OMA1: variants seen among roughly 807,000 people sequenced by gnomAD.
OMA1 encodes OMA1 zinc metallopeptidase.
Under a neutral mutation model 30.9 loss-of-function variants are expected in OMA1, and 38 were observed. The ratio of observed to expected loss-of-function variants is 1.23; its 90% CI spans 0.95 to 1.61. OMA1 has a LOEUF of 1.61. Ranked by LOEUF, OMA1 falls within the 40% of genes most tolerant of loss-of-function variation. OMA1 has a pLI of 0.00. For synonymous variants in OMA1, 173 were observed against 121.9 expected, an observed-to-expected ratio of 1.42 and a Z score of -2.76; for missense variants, 461 against 349.2, an observed-to-expected ratio of 1.32 and a Z score of -2.55.
chr1:58,543,801 A>C (rs891051054), intron 1 of OMA1, among the ~76,000 whole-genome samples: 2 of 152,248 alleles, frequency 1.3e-5, no homozygotes, highest in Admixed American at 1.3e-4. Flanking sequence ...AGAGGTGGCA[A>C]ACTCAAACGT....
At chr1:58,527,399 A>G in intron 6 of OMA1, 64 bp from the exon 7 acceptor site, 1 of 810,136 alleles carries the variant, frequency 1.2e-6, no homozygotes. Context: ...GGAGTAACAC[A>G]GAGAGATTTT....
chr1:58,527,463 C>G, intron 6 of OMA1, 128 bp from the exon 7 acceptor site: 2 of 596,704 alleles, frequency 3.4e-6, no homozygotes, highest in Non-Finnish European at 6.0e-6. Flanking sequence ...TGTCTACTAA[C>G]ATTAAAATAA....
intron 7 of OMA1, among the ~76,000 whole-genome samples, chr1:58,514,318 A>G (rs1456332133): frequency 6.6e-6 from 1 of 152,238 alleles, no homozygotes; most frequent in Non-Finnish European, 1.5e-5. Context: ...AATTGTTCTT[A>G]TAATTTCACC....
intron 2 of OMA1, 36 bp from the exon 3 acceptor site, chr1:58,536,777 C>G: frequency 1.2e-6 from 1 of 848,532 alleles, no homozygotes; most frequent in African/African-American, 1.7e-5. Flanking sequence ...TTCTGAAAAT[C>G]ATTCCAGCAC....
chr1:58,505,972 C>A, intron 8 of OMA1, 88 bp downstream of exon 8: 1 of 708,090 alleles, frequency 1.4e-6, no homozygotes, highest in Non-Finnish European at 2.5e-6. Context: ...TAGGCTAGAA[C>A]TCTCTTTTAC....
chr1:58,523,731 C>T (rs955609820), intron 7 of OMA1, among the ~76,000 whole-genome samples: 3 of 152,124 alleles, frequency 2.0e-5, no homozygotes, highest in African/African-American at 7.2e-5. Flanking sequence ...AACCCCATCT[C>T]TACTAAAAAC....
intron 7 of OMA1, among the ~76,000 whole-genome samples, chr1:58,510,419 A>C (rs1646055312): frequency 6.6e-6 from 1 of 152,252 alleles, no homozygotes; most frequent in Middle Eastern, 3.4e-3. Context: ...TGACAAAATT[A>C]AACATCCTTT....
chr1:58,498,649 T>C (rs1645845325), intron 8 of OMA1, among the ~76,000 whole-genome samples: 1 of 152,220 alleles, frequency 6.6e-6, no homozygotes, highest in South Asian at 2.1e-4. Context: ...CTAAGACATT[T>C]CAGCATTCCT....
chr1:58,517,718 T>C (rs1646179287), intron 7 of OMA1, among the ~76,000 whole-genome samples: 1 of 152,150 alleles, frequency 6.6e-6, no homozygotes, highest in South Asian at 2.1e-4. Context: ...AATTAATAAA[T>C]GAAAATCATC....
intron 1 of OMA1, 108 bp from the exon 2 acceptor site, chr1:58,539,418 A>C: frequency 4.8e-6 from 3 of 627,722 alleles, no homozygotes; most frequent in Non-Finnish European, 5.5e-6. Context: ...AACACATCTC[A>C]GGCTAAATTA....
At chr1:58,530,765 T>C (rs1362153578) in intron 5 of OMA1, 36 bp from the exon 6 acceptor site, 3 of 861,126 alleles carry the variant, frequency 3.5e-6, no homozygotes, top group Non-Finnish European at 4.0e-6. Context: ...CTACATTTTA[T>C]ACATTGAGAC....
At chr1:58,494,613 T>C (rs1207911944) in intron 8 of OMA1, among the ~76,000 whole-genome samples, 1 of 152,016 alleles carries the variant, frequency 6.6e-6, no homozygotes, top group African/African-American at 2.4e-5. Flanking sequence ...GTGAAGGATA[T>C]GAACAGACAC....
At chr1:58,544,068 T>G (rs565613070) in intron 1 of OMA1, among the ~76,000 whole-genome samples, 1 of 152,344 alleles carries the variant, frequency 6.6e-6, no homozygotes, top group South Asian at 2.1e-4. Context: ...CATGACCATC[T>G]AAAGGAGGTG....
intron 1 of OMA1, among the ~76,000 whole-genome samples, chr1:58,543,108 T>C (rs556518461): frequency 1.3e-5 from 2 of 152,180 alleles, no homozygotes; most frequent in Non-Finnish European, 2.9e-5. Context: ...CTGATTCCCA[T>C]GAAACCATTG....
intron 8 of OMA1, among the ~76,000 whole-genome samples, chr1:58,483,870 G>C (rs571033612): frequency 6.6e-6 from 1 of 152,284 alleles, no homozygotes; most frequent in Admixed American, 6.5e-5. Context: ...CAAGTGAGAA[G>C]TTTACCTGTC....
intron 8 of OMA1, among the ~76,000 whole-genome samples, chr1:58,485,578 T>C (rs187739802): frequency 2.8e-4 from 43 of 152,256 alleles, no homozygotes; most frequent in African/African-American, 9.6e-4. Context: ...TAAGATTCTA[T>C]TGGATGTCTT....
intron 1 of OMA1, among the ~76,000 whole-genome samples, chr1:58,543,767 G>A (rs1041383850): frequency 3.9e-5 from 6 of 152,136 alleles, no homozygotes; most frequent in African/African-American, 1.4e-4. Context: ...AATAATAAAT[G>A]CTACCTAAAA....
chr1:58,484,595 G>A (rs183459631), intron 8 of OMA1, among the ~76,000 whole-genome samples: 56 of 152,186 alleles, frequency 3.7e-4, no homozygotes, highest in African/African-American at 1.2e-3. Context: ...GTTAAATGCC[G>A]GGCAAGGAAC....
chr1:58,540,413 T>A (rs1646588185), intron 1 of OMA1, among the ~76,000 whole-genome samples: 1 of 151,652 alleles, frequency 6.6e-6, no homozygotes, highest in Admixed American at 6.6e-5. Context: ...GAAATATCAA[T>A]CAGTGGAAAC....
Sources: allele counts gnomAD v4.1 joint callset (sites outside exome capture counted in the v4.1 genomes callset), GRCh38; gene constraint gnomAD v4.1.1; transcripts MANE v1.5; gene names NCBI Gene and HGNC (gene_info 2026-07-23, HGNC 2026-07-21).